The following CYP2A7 variants were observed in gnomAD, a reference collection of about 807,000 sequenced individuals.
CYP2A7 encodes the protein cytochrome P450 family 2 subfamily A member 7.
In CYP2A7, 36 loss-of-function variants were observed where a neutral mutation model predicts 42.0. That is an observed-to-expected ratio of 0.86 (90% CI 0.66 to 1.13). The LOEUF is 1.13. Ranked by LOEUF, CYP2A7 falls within the 50% of genes most tolerant of loss-of-function variation. The pLI, the probability that CYP2A7 is intolerant of heterozygous loss-of-function variation, is 0.00. For missense variants in CYP2A7, 661 were observed against 634.1 expected, an observed-to-expected ratio of 1.04 and a Z score of -0.46; for synonymous variants, 260 against 249.5, an observed-to-expected ratio of 1.04 and a Z score of -0.40.
chr19:40,876,465 G>C, intron 8 of CYP2A7, 62 bp downstream of exon 8: 2 of 1,610,344 alleles, frequency 1.2e-6, no homozygotes, highest in Non-Finnish European at 1.7e-6. Flanking sequence ...GAGAGGGGAG[G>C]TGGGTGAGGG....
At position 40,880,610 on chromosome 19, in the gene CYP2A7, C is replaced by G; in HGVS notation, c.362G>C (p.Gly121Ala). Residue 121 changes from glycine to alanine, a missense_variant, in exon 3 of 9, where the codon GGG (glycine) becomes GCG (alanine). Coordinates refer to ENST00000301146, the MANE Select transcript of CYP2A7 (RefSeq NM_000764.3). ...GCGCAGGAGCTGCTTGGCGCGCTCC[C>G]CGTTGCTGAACGCCACGCCTGGGGA... ...FKGYGVAFSN[G>A]ERAKQLLRFA... 2.5e-6 allele frequency: 4 copies of G among 1,569,288 alleles called. No homozygotes were observed. The highest frequency in any genetic ancestry group is 2.6e-6 in the Non-Finnish European group (3 of 1,147,404).
At position 40,875,715 on chromosome 19, in the gene CYP2A7, G is replaced by C; in HGVS notation, c.1463C>G (p.Thr488Ser). The change falls in exon 9 of 9, where the codon ACC becomes AGC. Residue 488 changes from threonine to serine, a missense_variant. Around this residue, in one of 3 missense-constraint regions of CYP2A7, gnomAD observed 22 missense variants for 19.3 expected, o/e 1.14. Coordinates refer to ENST00000301146, the MANE Select transcript of CYP2A7 (RefSeq NM_000764.3). ...CGCTCAGCGGGGCAGGAAGCTCATG[G>C]TGTAGTTTCGTGGGATCGTGGCAAA... ...VVFATIPRNY[T>S]MSFLPR The C allele has an allele frequency of 6.2e-7, 1 of 1,609,328 alleles. No homozygotes were observed. Among genetic ancestry groups the C allele is most frequent in the Non-Finnish European group, 8.5e-7 (1 of 1,176,990 alleles).
chr19:40,882,194 A>G lies in CYP2A7; in HGVS notation c.17T>C (p.Leu6Pro). 6.2e-7 allele frequency: 1 copy of G among 1,613,926 alleles called. No homozygotes were observed. The highest frequency in any genetic ancestry group is 8.5e-7 in the Non-Finnish European group (1 of 1,179,806). Reference protein sequence around the residue: MLASGLLLVALLACLT... With the variant: MLASGPLLVALLACLT... ...GCAGGCCAGCAAGGCCACCAGAAGC[A>G]GCCCTGAGGCCAGCATGGTGGTAGT... The change falls in exon 1 of 9, where the codon CTG becomes CCG. Residue 6 changes from leucine (L) to proline (P), a missense_variant. Leu to Pro is a moderately conservative substitution (Grantham distance 98). Transcript: ENST00000301146.
chr19:40,880,774 C>T, intron 2 of CYP2A7, 146 bp from the exon 3 acceptor site: 1 of 108,442 alleles, frequency 9.2e-6, no homozygotes, highest in East Asian at 2.0e-4. Context: ...AGGACAGGTG[C>T]AAACTCAGTC....
At chr19:40,876,952 T>A in intron 7 of CYP2A7, 2 of 658,130 alleles carry the variant, frequency 3.0e-6, no homozygotes, top group Non-Finnish European at 5.1e-6. Flanking sequence ...CTTCTGTTTC[T>A]TAAGATAGGA....
chr19:40,880,445 T>C, intron 3 of CYP2A7, 34 bp downstream of exon 3: 1 of 1,604,340 alleles, frequency 6.2e-7, no homozygotes, highest in Non-Finnish European at 8.5e-7. Flanking sequence ...GTGTTTTCCT[T>C]CTCCTGCCCC....
In CYP2A7 at chr19:40,880,206, C is replaced by T. The variant is rs1262999634; in HGVS notation, c.532G>A (p.Val178Ile). The part of the protein sequence containing the change: ...IDPTFFLSRT[V>I]SNVISSIVFG... Reference sequence around the variant, plus strand: ...ACAATGGAGCTGATGACATTGGAGACTGTGCGGCTCAGGAAGAAGGTGGGA... The same window carrying T: ...ACAATGGAGCTGATGACATTGGAGATTGTGCGGCTCAGGAAGAAGGTGGGA... The change falls in exon 4 of 9, where the codon GTC becomes ATC. Residue 178 changes from valine (V) to isoleucine (I), a missense_variant. This residue lies in a region of CYP2A7 where 614 missense variants were observed against 552.4 expected (regional missense o/e 1.11). Coordinates refer to ENST00000301146, the MANE Select transcript of CYP2A7 (RefSeq NM_000764.3). The T allele has an allele frequency of 1.2e-6, 2 of 1,612,920 alleles. No homozygotes were observed. The highest frequency in any genetic ancestry group is 2.2e-5 in the South Asian group (2 of 91,024).
chr19:40,877,277 C>G lies in CYP2A7; in HGVS notation c.1074G>C (p.Glu358Asp). ...GGATCACGTCTCCAAATCTTTGGATCTCGTGGATCACTGCCTCCATGTAGG... is the reference window on the plus strand; with the variant it reads ...GGATCACGTCTCCAAATCTTTGGATGTCGTGGATCACTGCCTCCATGTAGG... The part of the protein sequence containing the change: ...KMPYMEAVIH[E>D]IQRFGDVIPM... Residue 358 changes from glutamate (E) to aspartate (D), a missense_variant, in exon 7 of 9, where the codon GAG becomes GAC. By Grantham distance (45) the Glu-to-Asp change is conservative (BLOSUM62 2). Around this residue, in one of 3 missense-constraint regions of CYP2A7, gnomAD observed 614 missense variants for 552.4 expected, o/e 1.11. Coordinates refer to ENST00000301146, the MANE Select transcript of CYP2A7 (RefSeq NM_000764.3). 1 of 1,612,812 alleles carries G rather than the reference C, an allele frequency of 6.2e-7. No homozygotes were observed. Among genetic ancestry groups the G allele is most frequent in the Non-Finnish European group, 8.5e-7 (1 of 1,179,176 alleles).
Position 40,880,634 on chromosome 19 carries a change from G to A in CYP2A7, c.344-6C>T. The A allele has an allele frequency of 6.3e-7, 1 of 1,588,232 alleles. No individual in the cohort carries two copies. ...CCCGTTGCTGAACGCCACGCCTGGG[G>A]AGGTCAAGGCGGGGGTGGAGAGAGG... On this transcript the variant is annotated splice_region_variant and splice_polypyrimidine_tract_variant and intron_variant, in intron 2 of 8. Transcript: ENST00000301146.
At position 40,881,631 on chromosome 19, in the gene CYP2A7, G is replaced by T. The variant is rs200907719; in HGVS notation, c.301C>A (p.Arg101=). 2.4e-5 allele frequency: 39 copies of T among 1,612,550 alleles called. No homozygotes were observed. The highest frequency in any genetic ancestry group is 3.1e-5 in the Non-Finnish European group (37 of 1,179,684). The part of the protein sequence containing the change: ...LVDQAEEFSG[R]GEQATFDWVF... ...CAGTCGAAGGTGGCTTGCTCGCCTCGCCCGCTGAACTCCTCAGCCTGGTCC... is the reference window on the plus strand; with the variant it reads ...CAGTCGAAGGTGGCTTGCTCGCCTCTCCCGCTGAACTCCTCAGCCTGGTCC... The change falls in exon 2 of 9, where the codon CGA becomes AGA. Residue 101 remains arginine, a synonymous_variant. Coordinates refer to ENST00000301146, the MANE Select transcript of CYP2A7 (RefSeq NM_000764.3).
At chr19:40,878,491 C>T (rs1221860342) in intron 5 of CYP2A7, among the ~76,000 whole-genome samples, 2 of 151,832 alleles carry the variant, frequency 1.3e-5, no homozygotes, top group Non-Finnish European at 2.9e-5. Context: ...CGCGCCACCA[C>T]GTGCAGCTAA....
In CYP2A7 at chr19:40,880,794, CGAGG is replaced by C. The variant is rs1313900459; in HGVS notation, c.344-170_344-167del. Among the ~76,000 whole-genome samples the C allele has an allele frequency of 9.2e-5, 2 of 21,770 alleles. 1 individual carries two copies. The allele number at this position is 21,770 out of a possible 152,430, so 14.3% of individuals were successfully genotyped here. ...AGGTGCAAACTCAGTCAGAGAAACA[CGAGG>C]GAGAGAGAGAGAGAGAGAGAGAGAG... On this transcript the variant is annotated intron_variant, in intron 2 of 8. Coordinates refer to ENST00000301146, the MANE Select transcript of CYP2A7 (RefSeq NM_000764.3).
intron 7 of CYP2A7, 43 bp from the exon 8 acceptor site, chr19:40,876,711 G>A: frequency 1.3e-6 from 2 of 1,582,246 alleles, no homozygotes; most frequent in Non-Finnish European, 1.7e-6. Flanking sequence ...GAGGGTCGGG[G>A]GATTGGTGAA....
chr19:40,880,852 A>G (rs1209747455), intron 2 of CYP2A7, among the ~76,000 whole-genome samples: 7 of 128,764 alleles, frequency 5.4e-5, no homozygotes, highest in Non-Finnish European at 8.2e-5. Flanking sequence ...AGAGAGAGAG[A>G]GAGAGAGAGA....
At position 40,880,563 on chromosome 19, in the gene CYP2A7, C is replaced by G; in HGVS notation, c.409G>C (p.Asp137His). The part of the protein sequence containing the change: ...LLRFAIATLR[D>H]FGVGKRGIEE... ...ATGCCTCGCTTGCCCACCCCGAAGT[C>G]CCTCAGGGTGGCGATGGCAAAGCGC... is the stretch of plus-strand genomic sequence containing the variant. Residue 137 changes from aspartate (D) to histidine (H), a missense_variant, in exon 3 of 9, where the codon GAC (aspartate) becomes CAC (histidine). Physicochemically the swap from Asp to His is moderately conservative, Grantham distance 81 (BLOSUM62 -1). Around this residue, in one of 3 missense-constraint regions of CYP2A7, gnomAD observed 614 missense variants for 552.4 expected, o/e 1.11. Transcript: ENST00000301146. The G allele has an allele frequency of 6.2e-7, 1 of 1,610,770 alleles. No individual in the cohort carries two copies. Among genetic ancestry groups the G allele is most frequent in the African/African-American group, 1.3e-5 (1 of 74,680 alleles).
chr19:40,877,721 T>C, intron 6 of CYP2A7, 131 bp downstream of exon 6: 1 of 1,320,158 alleles, frequency 7.6e-7, no homozygotes, highest in Non-Finnish European at 1.0e-6. Flanking sequence ...ACCAGCTGAA[T>C]GTTGCCCTGT....
chr19:40,881,501 A>C lies in CYP2A7; in HGVS notation c.343+88T>G, dbSNP rs1305877064. ...GACCGGGGGTTCTGCCATAGCCTCC[A>C]GTGGGCAGGAGAGTCAGGGAGAAGG... On this transcript the variant is annotated intron_variant, in intron 2 of 8. Transcript: ENST00000301146. The C allele has an allele frequency of 3.1e-5, 49 of 1,585,430 alleles. 2 individuals carry two copies. The highest frequency in any genetic ancestry group is 4.0e-5 in the Non-Finnish European group (46 of 1,164,260).
At chr19:40,876,383 G>A in intron 8 of CYP2A7, 144 bp downstream of exon 8, 4 of 1,347,494 alleles carry the variant, frequency 3.0e-6, no homozygotes, top group South Asian at 2.4e-5. Flanking sequence ...AGTTAAGGAA[G>A]TATCAGCTGC....
In CYP2A7 at chr19:40,879,184, T is replaced by C. The variant is rs1176669123; in HGVS notation, c.655-248A>G. Among the ~76,000 whole-genome samples, 6 of 151,814 alleles carry C rather than the reference T, an allele frequency of 4.0e-5. No individual in the cohort carries two copies. In the South Asian group the frequency reaches 1.0e-3, roughly 26 times the overall value. On this transcript the variant is annotated intron_variant, in intron 4 of 8. Coordinates refer to ENST00000301146, the MANE Select transcript of CYP2A7 (RefSeq NM_000764.3). The stretch of plus-strand genomic sequence containing the variant: ...TATATCCAGGTTTCAGGTATGCAAA[T>C]GAGGCTGGATTGGAGCACACATCTA...
Sources: gnomAD v4.1 joint callset for allele counts (sites outside exome capture counted in the v4.1 genomes callset) on GRCh38, gnomAD v4.1.1 for gene constraint, gnomAD v4.1.1 regional missense constraint, MANE v1.5 for transcripts, NCBI Gene and HGNC (gene_info 2026-07-23, HGNC 2026-07-21) for gene names.